Variants in FBXL5 observed in about 807,000 individuals in gnomAD.
The protein encoded by FBXL5 is F-box and leucine rich repeat protein 5.
Under a neutral mutation model 78.3 loss-of-function variants are expected in FBXL5, and 26 were observed. The observed-to-expected ratio is 0.33, with a 90% CI of 0.24 to 0.46. The LOEUF is 0.46. Ranked by LOEUF, FBXL5 falls within the 20% of genes least tolerant of loss-of-function variation. The pLI, the probability that FBXL5 is intolerant of heterozygous loss-of-function variation, is 1.00. For missense variants in FBXL5, 710 were observed against 829.2 expected (o/e 0.86, Z 1.77); for synonymous variants, 295 against 282.5 (o/e 1.04, Z -0.45).
intron 1 of FBXL5, among the ~76,000 whole-genome samples, chr4:15,670,519 A>G (rs2148806877): frequency 6.6e-6 from 1 of 152,266 alleles, no homozygotes; most frequent in East Asian, 1.9e-4. Flanking sequence ...GCCTTATAAG[A>G]GGCATAAAAT....
intron 1 of FBXL5, among the ~76,000 whole-genome samples, chr4:15,648,258 T>C (rs893036306): frequency 1.3e-5 from 2 of 152,218 alleles, no homozygotes; most frequent in Non-Finnish European, 2.9e-5. Context: ...ATTAATTCTG[T>C]ATTCAGACCA....
At chr4:15,609,985 C>A (rs1722141232) in intron 10 of FBXL5, among the ~76,000 whole-genome samples, 2 of 151,960 alleles carry the variant, frequency 1.3e-5, no homozygotes, top group Non-Finnish European at 2.9e-5. Flanking sequence ...TATATGTTTT[C>A]TTTTAAAAAA....
At chr4:15,657,103 G>A (rs1019658540), upstream of FBXL5, among the ~76,000 whole-genome samples, 2 of 152,060 alleles carry the variant, frequency 1.3e-5, no homozygotes, top group African/African-American at 2.4e-5. Flanking sequence ...CCCGTTTCTC[G>A]TTCTTTTGCC....
chr4:15,655,149 C>G, intron 1 of FBXL5, 55 bp downstream of exon 1: 1 of 1,307,704 alleles, frequency 7.6e-7, no homozygotes, highest in South Asian at 1.6e-5. Flanking sequence ...AGAACCCAGC[C>G]CGCTCCCCAT....
chr4:15,633,385 A>G (rs749953711), intron 5 of FBXL5, among the ~76,000 whole-genome samples: 3 of 152,232 alleles, frequency 2.0e-5, no homozygotes, highest in Non-Finnish European at 4.4e-5. Context: ...ACTGGTTCCC[A>G]CAATAGCCTC....
At chr4:15,666,266 G>T (rs113522548) in intron 1 of FBXL5, among the ~76,000 whole-genome samples, 8 of 152,178 alleles carry the variant, frequency 5.3e-5, no homozygotes, top group African/African-American at 1.9e-4. Flanking sequence ...AGGTATGGTG[G>T]TGCATGCCTG....
intron 5 of FBXL5, among the ~76,000 whole-genome samples, chr4:15,632,735 T>C (rs1482436035): frequency 6.6e-6 from 1 of 152,236 alleles, no homozygotes. Context: ...AGAATGCTTG[T>C]GATTTTTGCA....
chr4:15,657,005 TAAG>T (rs1420611022), upstream of FBXL5, among the ~76,000 whole-genome samples: 1 of 150,032 alleles, frequency 6.7e-6, no homozygotes, highest in Non-Finnish European at 1.5e-5. Context: ...CAGTCTGTCT[TAAG>T]AAGCAGGAAT....
chr4:15,605,706 A>G lies in FBXL5; in HGVS notation c.*17T>C. 4 of 1,611,098 alleles carry G rather than the reference A, an allele frequency of 2.5e-6. No individual in the cohort carries two copies. Among genetic ancestry groups the G allele is most frequent in the Non-Finnish European group, 3.4e-6 (4 of 1,177,778 alleles). ...CTGCTCAGCTAAATGAAGTAGACAA[A>G]GATCAGAAGTCAAGGGTCATTCGCC... On this transcript the variant is annotated 3_prime_UTR_variant, in exon 11 of 11. Transcript: ENST00000341285.
At chr4:15,656,921 CTG>C (rs752195262), upstream of FBXL5, among the ~76,000 whole-genome samples, 1 of 152,144 alleles carries the variant, frequency 6.6e-6, no homozygotes, top group Non-Finnish European at 1.5e-5. Context: ...AGTCAAAAAT[CTG>C]TCATATAAAT....
At chr4:15,661,214 CCT>C (rs987328321), upstream of FBXL5, among the ~76,000 whole-genome samples, 10 of 152,198 alleles carry the variant, frequency 6.6e-5, no homozygotes, top group South Asian at 2.1e-4. Context: ...AGGTGTTTCC[CCT>C]GTGTGCAAGG....
chr4:15,634,063 A>C (rs939836126), intron 5 of FBXL5, among the ~76,000 whole-genome samples: 1 of 152,228 alleles, frequency 6.6e-6, no homozygotes, highest in Non-Finnish European at 1.5e-5. Context: ...ATGATACCCA[A>C]AGATGGGGCA....
rs565351719 is a variant in FBXL5, at chr4:15,632,797, G to A, written c.767-2006C>T. 2.0e-5 allele frequency among the ~76,000 whole-genome samples: 3 copies of A among 152,326 alleles called. No homozygotes were observed. The East Asian group carries it at 5.8e-4, about 29-fold the overall frequency. On this transcript the variant is annotated intron_variant, in intron 5 of 10. Coordinates refer to ENST00000341285, the MANE Select transcript of FBXL5 (RefSeq NM_012161.4). Reference sequence around the variant, plus strand: ...CTGAAGTTGCTTATCAGCTTAAGGAGATTTGGGGCTGAGATGATGGGGTTT... The same window carrying A: ...CTGAAGTTGCTTATCAGCTTAAGGAAATTTGGGGCTGAGATGATGGGGTTT...
intron 9 of FBXL5, among the ~76,000 whole-genome samples, chr4:15,622,428 C>A (rs1418529533): frequency 1.3e-5 from 2 of 152,188 alleles, no homozygotes; most frequent in African/African-American, 4.8e-5. Context: ...TTTCCTCAGT[C>A]TCTCAGGAAA....
At chr4:15,619,190 CAAG>C (rs1480718601) in intron 9 of FBXL5, among the ~76,000 whole-genome samples, 1 of 152,030 alleles carries the variant, frequency 6.6e-6, no homozygotes, top group Non-Finnish European at 1.5e-5. Flanking sequence ...CAAACACGTA[CAAG>C]AAGGACAAAT....
intron 6 of FBXL5, among the ~76,000 whole-genome samples, chr4:15,629,809 CGT>C (rs751793443): frequency 6.6e-6 from 1 of 152,268 alleles, no homozygotes; most frequent in South Asian, 2.1e-4. Context: ...TTACTTTCCA[CGT>C]GTCTTTTTTC....
chr4:15,676,862 G>A (rs1718013184), intron 1 of FBXL5, among the ~76,000 whole-genome samples: 2 of 152,210 alleles, frequency 1.3e-5, no homozygotes, highest in South Asian at 4.2e-4. Context: ...ACTAGTCCAT[G>A]TTAAAGAAAT....
chr4:15,665,726 A>C (rs529155184), intron 1 of FBXL5, among the ~76,000 whole-genome samples: 89 of 152,334 alleles, frequency 5.8e-4, no homozygotes, highest in African/African-American at 2.1e-3. Context: ...GAAAAGAAAC[A>C]CAAACTTAGG....
At chr4:15,622,422 C>A (rs886711619) in intron 9 of FBXL5, among the ~76,000 whole-genome samples, 3 of 152,112 alleles carry the variant, frequency 2.0e-5, no homozygotes, top group African/African-American at 4.8e-5. Flanking sequence ...TTTCTATTTC[C>A]TCAGTCTCTC....
Sources: gnomAD v4.1 joint callset for allele counts (sites outside exome capture counted in the v4.1 genomes callset) on GRCh38, gnomAD v4.1.1 for gene constraint, MANE v1.5 for transcripts, NCBI Gene and HGNC (gene_info 2026-07-23, HGNC 2026-07-21) for gene names.